The following B3GALNT2 variants were observed in gnomAD, a reference collection of about 807,000 sequenced individuals.
B3GALNT2 encodes beta-1,3-N-acetylgalactosaminyltransferase 2, also known as UDP-GalNAc:beta-1,3-N-acetylgalactosaminyltransferase 2.
A neutral mutation model predicts 61.1 loss-of-function variants in B3GALNT2; 53 were observed. That is an observed-to-expected ratio of 0.87 (90% CI 0.70 to 1.09). B3GALNT2 has a LOEUF of 1.09. Ranked by LOEUF, B3GALNT2 falls within the 50% of genes least tolerant of loss-of-function variation. The probability of loss-of-function intolerance (pLI) is 0.00; values close to 1 mark genes in which losing one functional copy is unlikely to be tolerated. For synonymous variants in B3GALNT2, 223 were observed against 237.4 expected (o/e 0.94, Z 0.56); for missense variants, 544 against 623.0 (o/e 0.87, Z 1.35).
intron 8 of B3GALNT2, among the ~76,000 whole-genome samples, chr1:235,456,701 GGTGGCAGCCAACAATA>G (rs1304541418): frequency 4.6e-5 from 7 of 152,186 alleles, no homozygotes; most frequent in African/African-American, 1.7e-4. Context: ...AGGGAGAGAA[GGTGGCAGCCAACAATA>G]GCGGCAGCGG....
Position 235,473,438 on chromosome 1 carries a change from G to A in B3GALNT2, c.652-2478C>T, listed in dbSNP as rs192627526. ...TTGGTGAGTACCTGGACATGAGAGT[G>A]ACGATAACTCTCATGATTCTGGTTT... On this transcript the variant is annotated intron_variant, in intron 5 of 11. Coordinates refer to ENST00000366600, the MANE Select transcript of B3GALNT2 (RefSeq NM_152490.5). 3.2e-4 allele frequency among the ~76,000 whole-genome samples: 49 copies of A among 152,310 alleles called. No individual in the cohort carries two copies. In the East Asian group the frequency reaches 6.4e-3, roughly 20 times the overall value.
downstream of B3GALNT2, among the ~76,000 whole-genome samples, chr1:235,444,707 C>T (rs142107537): frequency 3.5e-3 from 528 of 152,330 alleles, 3 homozygotes; most frequent in African/African-American, 0.012. Flanking sequence ...GCCTGGCAGG[C>T]CAGGACTTTC....
chr1:235,469,895 T>G (rs560872268), intron 6 of B3GALNT2, among the ~76,000 whole-genome samples: 2 of 151,914 alleles, frequency 1.3e-5, no homozygotes, highest in Non-Finnish European at 2.9e-5. Context: ...TAGTAGTTTT[T>G]TTTGTTTGTT....
intron 11 of B3GALNT2, among the ~76,000 whole-genome samples, chr1:235,452,649 A>G (rs1311934907): frequency 6.6e-6 from 1 of 152,028 alleles, no homozygotes; most frequent in Non-Finnish European, 1.5e-5. Context: ...CCCAGGCTCA[A>G]GTTGATCCTC....
rs1684489718 is a variant in B3GALNT2 at position 235,480,129 on chromosome 1, G to C, written c.576C>G (p.Arg192=). The change falls in exon 5 of 12, where the codon CGC becomes CGG. Residue 192 remains arginine (R), a synonymous_variant. Transcript: ENST00000366600. ...GCACACCACAGCTTGGAGGACTGAA[G>C]CGAGCAATGAAGAGGGCCTCCTACA... The part of the protein sequence containing the change: ...AEQEEALFIA[R]FSPPSCGVQV... The C allele has an allele frequency of 1.9e-6, 3 of 1,613,878 alleles. No homozygotes were observed. The highest frequency in any genetic ancestry group is 2.5e-6 in the Non-Finnish European group (3 of 1,179,806).
chr1:235,471,352 A>G (rs1173041236), intron 5 of B3GALNT2, among the ~76,000 whole-genome samples: 1 of 152,222 alleles, frequency 6.6e-6, no homozygotes, highest in Non-Finnish European at 1.5e-5. Context: ...CTAAATGTCT[A>G]CTAAAATATC....
At position 235,448,520 on chromosome 1, in the gene B3GALNT2, C is replaced by A. The variant is rs1177150853; in HGVS notation, c.*1686G>T. On this transcript the variant is annotated 3_prime_UTR_variant, in exon 12 of 12. Transcript: ENST00000366600. ...ACATTAAACTGTCTCTAGATAGCAA[C>A]AGTTTGATTCTAAATGGAGACCATG... 2.8e-6 allele frequency: 4 copies of A among 1,451,664 alleles called. No individual in the cohort carries two copies. Among genetic ancestry groups the A allele is most frequent in the Admixed American group, 1.7e-5 (1 of 59,742 alleles). 89.9% of individuals were successfully genotyped at this position (1,451,664 alleles called of 1,614,324 possible).
intron 5 of B3GALNT2, among the ~76,000 whole-genome samples, chr1:235,478,294 A>C (rs1572527137): frequency 2.0e-5 from 3 of 151,954 alleles, no homozygotes; most frequent in Non-Finnish European, 4.4e-5. Context: ...CTTGTGATCC[A>C]CCCGCCTTGG....
rs1303315510 is a variant in B3GALNT2, at chr1:235,447,652, T to C, written c.*2554A>G. ...TCAGGATACCTGAGTCCCATTCCAG[T>C]GTTCGTTCAGTAATTCATAAGGAAG... On this transcript the variant is annotated 3_prime_UTR_variant, in exon 12 of 12. Transcript: ENST00000366600. 6.6e-6 allele frequency among the ~76,000 whole-genome samples: 1 copy of C among 152,178 alleles called. No individual in the cohort carries two copies. Among genetic ancestry groups the C allele is most frequent in the Non-Finnish European group, 1.5e-5 (1 of 68,022 alleles).
chr1:235,480,747 A>C (rs1395075919), intron 4 of B3GALNT2, among the ~76,000 whole-genome samples: 1 of 151,646 alleles, frequency 6.6e-6, no homozygotes, highest in African/African-American at 2.4e-5. Context: ...TTCTACTAAA[A>C]ATACAAAAAT....
chr1:235,464,106 A>AT (rs1292462513), intron 7 of B3GALNT2: 1 of 152,238 alleles, frequency 6.6e-6, no homozygotes, highest in Non-Finnish European at 1.5e-5. Context: ...AGACCTACGT[A>AT]TAAGTGCTAA....
intron 7 of B3GALNT2, among the ~76,000 whole-genome samples, chr1:235,463,144 G>A (rs747353408): frequency 1.3e-5 from 2 of 152,190 alleles, no homozygotes; most frequent in South Asian, 2.1e-4. Context: ...TCCAAACATC[G>A]TATGTTCTCA....
At chr1:235,459,576 T>G (rs1683321466) in intron 7 of B3GALNT2, among the ~76,000 whole-genome samples, 1 of 152,042 alleles carries the variant, frequency 6.6e-6, no homozygotes, top group Non-Finnish European at 1.5e-5. Context: ...TGAGCTATGA[T>G]TACACCACTG....
intron 4 of B3GALNT2, among the ~76,000 whole-genome samples, chr1:235,483,499 G>C (rs900152633): frequency 3.2e-4 from 49 of 152,212 alleles, no homozygotes; most frequent in African/African-American, 1.1e-3. Flanking sequence ...AGCACTTTGG[G>C]AGGCTACTTG....
At chr1:235,487,148 C>G (rs1055265057) in intron 3 of B3GALNT2, among the ~76,000 whole-genome samples, 1 of 142,912 alleles carries the variant, frequency 7.0e-6, no homozygotes, top group Non-Finnish European at 1.5e-5. Context: ...GTGACAAGAG[C>G]GAAACTCTGT....
At chr1:235,493,086 G>GT (rs1685156537) in intron 2 of B3GALNT2, among the ~76,000 whole-genome samples, 1 of 152,184 alleles carries the variant, frequency 6.6e-6, no homozygotes, top group South Asian at 2.1e-4. Flanking sequence ...GGTAGAAGCA[G>GT]TAAGTTCAGA....
chr1:235,458,870 TCCCAAGGTAA>T (rs1683289642), intron 7 of B3GALNT2, 84 bp from the exon 8 acceptor site: 1 of 1,249,346 alleles, frequency 8.0e-7, no homozygotes, highest in South Asian at 1.9e-5. Context: ...AAAGTTCTTT[TCCCAAGGTAA>T]CCCAGCAGAA....
chr1:235,474,987 ATTTTTTT>A lies in B3GALNT2; in HGVS notation c.652-4034_652-4028del, dbSNP rs1160445883. 5.3e-3 allele frequency among the ~76,000 whole-genome samples: 188 copies of A among 35,508 alleles called. 2 individuals are homozygous for A. The highest frequency in any genetic ancestry group is 0.02 in the African/African-American group (175 of 8,914). 23.3% of individuals were successfully genotyped at this position (35,508 alleles called of 152,430 possible). A position where few individuals can be genotyped will look rare whatever the true frequency, so the allele number is the denominator to read the frequency against. On this transcript the variant is annotated intron_variant, in intron 5 of 11. Transcript: ENST00000366600. ...TATATATATATATATATATATATAT[ATTTTTTT>A]TTTTTTTTTTTTTTTTGAGACGGAG...
chr1:235,466,076 A>C (rs1163418961), intron 6 of B3GALNT2, among the ~76,000 whole-genome samples: 1 of 152,166 alleles, frequency 6.6e-6, no homozygotes, highest in Non-Finnish European at 1.5e-5. Flanking sequence ...TTTGGAAACT[A>C]AAAATTCTCA....
Sources: gnomAD v4.1 joint callset for allele counts (sites outside exome capture counted in the v4.1 genomes callset) on GRCh38, gnomAD v4.1.1 for gene constraint, MANE v1.5 for transcripts, NCBI Gene and HGNC (gene_info 2026-07-23, HGNC 2026-07-21) for gene names.